ALX4: variants seen among roughly 807,000 people sequenced by gnomAD.
The protein encoded by ALX4 is ALX homeobox 4.
In ALX4, 22 loss-of-function variants were observed where a neutral mutation model predicts 40.6. The ratio of observed to expected loss-of-function variants is 0.54; its 90% CI spans 0.39 to 0.77. The LOEUF (loss-of-function observed/expected upper bound fraction) is 0.77. Among genes scored for constraint, ALX4 ranks in the 30% least tolerant of loss-of-function variants. The pLI, the probability that ALX4 is intolerant of heterozygous loss-of-function variation, is 0.00. For synonymous variants in ALX4, 266 were observed against 240.5 expected (o/e 1.11, Z -0.98); for missense variants, 556 against 564.8 (o/e 0.98, Z 0.16).
intron 1 of ALX4, among the ~76,000 whole-genome samples, chr11:44,308,473 C>T (rs1346437319): frequency 6.6e-6 from 1 of 152,236 alleles, no homozygotes; most frequent in Non-Finnish European, 1.5e-5. Context: ...AGGCCAAGGC[C>T]TCCGGGTATG....
intron 1 of ALX4, among the ~76,000 whole-genome samples, chr11:44,302,889 G>C (rs1956442986): frequency 6.6e-6 from 1 of 152,208 alleles, no homozygotes; most frequent in African/African-American, 2.4e-5. Flanking sequence ...GGTGGGCCCA[G>C]ACTGCTACCA....
chr11:44,280,481 G>A (rs921114159), intron 1 of ALX4, among the ~76,000 whole-genome samples: 13 of 152,336 alleles, frequency 8.5e-5, no homozygotes, highest in African/African-American at 2.4e-4. Flanking sequence ...CAGGCCACCC[G>A]CCAGGGGTTG....
rs143524389 is a variant in ALX4, at chr11:44,285,655, C to T, written c.467-9997G>A. ...AGTGTTTTTAAAATCTTTGCCAGCA[C>T]GATGGATGAAAGTGAGATCTTGTCT... On this transcript the variant is annotated intron_variant, in intron 1 of 3. Coordinates refer to ENST00000652299, the MANE Select transcript of ALX4 (RefSeq NM_021926.4). Among the ~76,000 whole-genome samples, 214 of 151,528 alleles carry T rather than the reference C, an allele frequency of 1.4e-3. 1 individual carries two copies. The highest frequency in any genetic ancestry group is 3.8e-3 in the Admixed American group (58 of 15,226).
At chr11:44,292,380 T>TAA (rs1956374949) in intron 1 of ALX4, among the ~76,000 whole-genome samples, 14 of 109,212 alleles carry the variant, frequency 1.3e-4, no homozygotes, top group Middle Eastern at 4.9e-3. Flanking sequence ...TAATTAAATT[T>TAA]TTTTTTTTTT....
In ALX4 at chr11:44,263,195, C is replaced by T. The variant is rs1590684089; in HGVS notation, c.*1659G>A. The T allele has an allele frequency of 6.6e-6, 1 of 152,300 alleles. No homozygotes were observed. Among genetic ancestry groups the T allele is most frequent in the Non-Finnish European group, 1.5e-5 (1 of 68,024 alleles). 9.4% of individuals were successfully genotyped at this position (152,300 alleles called of 1,614,324 possible). On this transcript the variant is annotated 3_prime_UTR_variant, in exon 4 of 4. Transcript: ENST00000652299. ...GCCTTTCTGTGTCCACGACCCTGAG[C>T]ATAGTGGGCCTGGCCCTACTCCATG... is the stretch of plus-strand genomic sequence containing the variant.
intron 1 of ALX4, among the ~76,000 whole-genome samples, chr11:44,300,919 C>T (rs1956430769): frequency 1.3e-5 from 2 of 152,238 alleles, no homozygotes. Flanking sequence ...CAGTAAGCTA[C>T]CAAACCCTGG....
intron 1 of ALX4, among the ~76,000 whole-genome samples, chr11:44,276,953 C>T (rs749824803): frequency 2.0e-5 from 3 of 152,160 alleles, no homozygotes; most frequent in Non-Finnish European, 4.4e-5. Flanking sequence ...TGGATCGGTA[C>T]TGGTCCACAG....
chr11:44,284,079 G>A (rs372939564), intron 1 of ALX4, among the ~76,000 whole-genome samples: 1 of 152,284 alleles, frequency 6.6e-6, no homozygotes, highest in South Asian at 2.1e-4. Context: ...CACATGCAAA[G>A]ATGTTCAATT....
intron 1 of ALX4, 108 bp downstream of exon 1, chr11:44,309,476 AGAGTCACCACCCC>A (rs1956492295): frequency 6.7e-7 from 1 of 1,488,406 alleles, no homozygotes; most frequent in South Asian, 1.3e-5. Context: ...TTTACCGACC[AGAGTCACCACCCC>A]GCCCCCAGCC....
intron 1 of ALX4, among the ~76,000 whole-genome samples, chr11:44,295,903 C>T (rs1367504290): frequency 6.6e-6 from 1 of 152,254 alleles, no homozygotes; most frequent in East Asian, 1.9e-4. Context: ...CTAGCCAGGG[C>T]CAAGACTGTG....
At chr11:44,301,689 C>T (rs1354611806) in intron 1 of ALX4, among the ~76,000 whole-genome samples, 7 of 152,164 alleles carry the variant, frequency 4.6e-5, no homozygotes, top group Non-Finnish European at 7.4e-5. Flanking sequence ...GATTGGATTC[C>T]CCAACACTTT....
At chr11:44,276,915 T>C (rs985340118) in intron 1 of ALX4, among the ~76,000 whole-genome samples, 43 of 152,126 alleles carry the variant, frequency 2.8e-4, no homozygotes, top group Non-Finnish European at 4.9e-4. Context: ...GCTCACCTCC[T>C]GTGTGCGGCC....
chr11:44,298,331 C>T (rs1348769224), intron 1 of ALX4, among the ~76,000 whole-genome samples: 2 of 152,156 alleles, frequency 1.3e-5, no homozygotes, highest in Admixed American at 6.6e-5. Context: ...CTGGGAAGAG[C>T]CCAGGCCTTG....
intron 1 of ALX4, among the ~76,000 whole-genome samples, chr11:44,290,140 C>T (rs1328770394): frequency 7.9e-5 from 12 of 152,218 alleles, no homozygotes; most frequent in African/African-American, 2.9e-4. Context: ...TGGCCCTGGG[C>T]GTGTCCCAAG....
At position 44,309,583 on chromosome 11, in the gene ALX4, G is replaced by T; in HGVS notation, c.466+14C>A. On this transcript the variant is annotated intron_variant, in intron 1 of 3. Coordinates refer to ENST00000652299, the MANE Select transcript of ALX4 (RefSeq NM_021926.4). Reference sequence around the variant, plus strand: ...CGTGGTCCCCAGCACCAGGTGACCCGCACGTGCACTCACCGTAGCAGGGAA... The same window carrying T: ...CGTGGTCCCCAGCACCAGGTGACCCTCACGTGCACTCACCGTAGCAGGGAA... 6.4e-7 allele frequency: 1 copy of T among 1,570,438 alleles called. No homozygotes were observed. Among genetic ancestry groups the T allele is most frequent in the Non-Finnish European group, 8.6e-7 (1 of 1,167,210 alleles).
intron 1 of ALX4, among the ~76,000 whole-genome samples, chr11:44,293,487 C>T (rs1314231126): frequency 3.3e-5 from 5 of 152,188 alleles, no homozygotes; most frequent in East Asian, 1.9e-4. Flanking sequence ...CCACAGCGAA[C>T]GTGAGACAAA....
chr11:44,284,679 G>A (rs984534481), intron 1 of ALX4, among the ~76,000 whole-genome samples: 2 of 152,116 alleles, frequency 1.3e-5, no homozygotes, highest in African/African-American at 2.4e-5. Flanking sequence ...ACCTGCTTCC[G>A]CTCTGCAGCG....
Position 44,277,391 on chromosome 11 carries a change from T to G in ALX4, c.467-1733A>C, listed in dbSNP as rs1213423249. ...TGAACTCCTCGAGAACTGTATTCCTTGTCTGTAACTTGGGGAAAAGGAACT... is the reference window on the plus strand; with the variant it reads ...TGAACTCCTCGAGAACTGTATTCCTGGTCTGTAACTTGGGGAAAAGGAACT... On this transcript the variant is annotated intron_variant, in intron 1 of 3. Coordinates refer to ENST00000652299, the MANE Select transcript of ALX4 (RefSeq NM_021926.4). Among the ~76,000 whole-genome samples the G allele has an allele frequency of 2.0e-5, 3 of 152,308 alleles. No individual in the cohort carries two copies. The East Asian group carries it at 5.8e-4, about 29-fold the overall frequency.
chr11:44,275,039 C>T lies in ALX4; in HGVS notation c.777+309G>A, dbSNP rs1242640113. 2.0e-5 allele frequency among the ~76,000 whole-genome samples: 3 copies of T among 152,188 alleles called. No individual in the cohort carries two copies. The East Asian group carries it at 5.8e-4, about 29-fold the overall frequency. ...TTCTCTGTGTGAAAGAGCCAGGACT[C>T]TTACACTGTGTAAAGCCCAGAAACA... On this transcript the variant is annotated intron_variant, in intron 2 of 3. Coordinates refer to ENST00000652299, the MANE Select transcript of ALX4 (RefSeq NM_021926.4).
Sources: gnomAD v4.1 joint callset for allele counts (sites outside exome capture counted in the v4.1 genomes callset) on GRCh38, gnomAD v4.1.1 for gene constraint, MANE v1.5 for transcripts, NCBI Gene and HGNC (gene_info 2026-07-23, HGNC 2026-07-21) for gene names.